The following NOS1AP variants were observed in gnomAD, a reference collection of about 807,000 sequenced individuals.
The protein encoded by NOS1AP is nitric oxide synthase 1 adaptor protein.
Under a neutral mutation model 56.2 loss-of-function variants are expected in NOS1AP, and 21 were observed. The ratio of observed to expected loss-of-function variants is 0.37; its 90% CI spans 0.26 to 0.54. NOS1AP has a LOEUF of 0.54. NOS1AP is among the 20% of genes least tolerant of loss of function. The pLI, the probability that NOS1AP is intolerant of heterozygous loss-of-function variation, is 0.84. For missense variants in NOS1AP, 522 were observed against 657.8 expected (o/e 0.79, Z 2.26); for synonymous variants, 270 against 274.6 (o/e 0.98, Z 0.17).
intron 6 of NOS1AP, among the ~76,000 whole-genome samples, chr1:162,345,990 A>G (rs1464797492): frequency 6.6e-6 from 1 of 152,222 alleles, no homozygotes; most frequent in Non-Finnish European, 1.5e-5. Context: ...AACTGTGCTT[A>G]TAATAGGTAA....
chr1:162,086,997 C>A (rs57398343), intron 1 of NOS1AP, among the ~76,000 whole-genome samples: 4,369 of 152,204 alleles, frequency 0.029, 187 homozygotes, highest in African/African-American at 0.1. Flanking sequence ...CCTTGTATTG[C>A]CACAGCACCA....
At chr1:162,308,766 T>A (rs1655928623) in intron 4 of NOS1AP, among the ~76,000 whole-genome samples, 1 of 152,186 alleles carries the variant, frequency 6.6e-6, no homozygotes, top group African/African-American at 2.4e-5. Flanking sequence ...AATAAATTGG[T>A]ACAGGTGGTT....
At chr1:162,289,620 G>A (rs945922827) in intron 3 of NOS1AP, among the ~76,000 whole-genome samples, 4 of 150,902 alleles carry the variant, frequency 2.7e-5, no homozygotes, top group African/African-American at 4.9e-5. Flanking sequence ...GACTACAGGC[G>A]CCCGCCACTA....
chr1:162,326,061 T>C (rs779761214), intron 4 of NOS1AP, among the ~76,000 whole-genome samples: 1 of 152,252 alleles, frequency 6.6e-6, no homozygotes, highest in African/African-American at 2.4e-5. Context: ...CTGAACCTTA[T>C]AATCACCCTG....
At chr1:162,155,262 A>G (rs959949889) in intron 2 of NOS1AP, among the ~76,000 whole-genome samples, 3 of 146,772 alleles carry the variant, frequency 2.0e-5, no homozygotes, top group Non-Finnish European at 4.5e-5. Context: ...ATACATATAT[A>G]TATACACATA....
intron 1 of NOS1AP, among the ~76,000 whole-genome samples, chr1:162,135,805 G>A (rs529040889): frequency 3.3e-5 from 5 of 152,264 alleles, no homozygotes; most frequent in South Asian, 4.1e-4. Context: ...AGTGGACCAC[G>A]TTTCATTTGA....
At chr1:162,131,904 G>A (rs1648767500) in intron 1 of NOS1AP, among the ~76,000 whole-genome samples, 1 of 152,138 alleles carries the variant, frequency 6.6e-6, no homozygotes, top group Admixed American at 6.5e-5. Flanking sequence ...CTAATCTTTA[G>A]GCCTCTTAAC....
chr1:162,273,457 G>T (rs565189725), intron 2 of NOS1AP, among the ~76,000 whole-genome samples: 1 of 152,140 alleles, frequency 6.6e-6, no homozygotes, highest in Non-Finnish European at 1.5e-5. Context: ...GAGCCACCGC[G>T]CCCGGCCGAA....
At chr1:162,087,282 A>G (rs1168279098) in intron 1 of NOS1AP, among the ~76,000 whole-genome samples, 1 of 152,116 alleles carries the variant, frequency 6.6e-6, no homozygotes, top group African/African-American at 2.4e-5. Context: ...TTCTGTTAAA[A>G]ATATGTCTGA....
chr1:162,129,571 C>T (rs999942667), intron 1 of NOS1AP, among the ~76,000 whole-genome samples: 9 of 152,234 alleles, frequency 5.9e-5, no homozygotes, highest in Admixed American at 2.0e-4. Flanking sequence ...ATTAGCAAAT[C>T]GTACAGTCCC....
chr1:162,079,474 A>T (rs887900465), intron 1 of NOS1AP, among the ~76,000 whole-genome samples: 1 of 152,096 alleles, frequency 6.6e-6, no homozygotes, highest in Non-Finnish European at 1.5e-5. Flanking sequence ...TTGGTAGCAT[A>T]GCATGGCATG....
intron 1 of NOS1AP, among the ~76,000 whole-genome samples, chr1:162,142,292 T>C (rs59127492): frequency 0.13 from 20,535 of 152,116 alleles, 1,729 homozygotes; most frequent in African/African-American, 0.24. Context: ...CCTTATCTCG[T>C]TCCTGATCTT....
At chr1:162,106,607 GA>G (rs1471154128) in intron 1 of NOS1AP, among the ~76,000 whole-genome samples, 1 of 152,046 alleles carries the variant, frequency 6.6e-6, no homozygotes, top group African/African-American at 2.4e-5. Flanking sequence ...GAAATATGAA[GA>G]ATTATTGCCA....
chr1:162,201,418 G>A (rs1300553214), intron 2 of NOS1AP, among the ~76,000 whole-genome samples: 1 of 152,186 alleles, frequency 6.6e-6, no homozygotes, highest in Admixed American at 6.5e-5. Flanking sequence ...ATAGATGCAT[G>A]CATGTATCTT....
intron 2 of NOS1AP, among the ~76,000 whole-genome samples, chr1:162,173,330 A>G (rs1299087562): frequency 2.0e-5 from 3 of 152,110 alleles, no homozygotes; most frequent in Non-Finnish European, 4.4e-5. Context: ...AGGATTCCCT[A>G]TTTAATAAGT....
chr1:162,224,942 CAAAG>C (rs939568396), intron 2 of NOS1AP, among the ~76,000 whole-genome samples: 1 of 152,094 alleles, frequency 6.6e-6, no homozygotes, highest in Non-Finnish European at 1.5e-5. Context: ...AAGTCTTAAA[CAAAG>C]AAAGAAGTGA....
At chr1:162,364,341 C>T in intron 8 of NOS1AP, 11 of 985,462 alleles carry the variant, frequency 1.1e-5, no homozygotes, top group Non-Finnish European at 1.3e-5. Context: ...CATTAGTTCC[C>T]TTTCTTCAGG....
chr1:162,097,899 G>A (rs1032707249), intron 1 of NOS1AP, among the ~76,000 whole-genome samples: 4 of 149,298 alleles, frequency 2.7e-5, no homozygotes, highest in East Asian at 1.9e-4. Flanking sequence ...ATATTTATTC[G>A]TTTTTTTTCT....
chr1:162,330,514 G>A (rs1656731079), intron 4 of NOS1AP, among the ~76,000 whole-genome samples: 2 of 152,222 alleles, frequency 1.3e-5, no homozygotes, highest in Non-Finnish European at 2.9e-5. Context: ...AGCAGTTGCA[G>A]AATTGGGAAG....
Sources: gnomAD v4.1 joint callset for allele counts (sites outside exome capture counted in the v4.1 genomes callset) on GRCh38, gnomAD v4.1.1 for gene constraint, MANE v1.5 for transcripts, NCBI Gene and HGNC (gene_info 2026-07-23, HGNC 2026-07-21) for gene names.